SAMSN1: variants seen among roughly 807,000 people sequenced by gnomAD.
SAMSN1 encodes SAM domain, SH3 domain and nuclear localization signals 1, also known as SAM domain-containing protein SAMSN-1.
SAMSN1 carries 31 observed loss-of-function variants against 42.0 expected under a neutral mutation model. The ratio of observed to expected loss-of-function variants is 0.74; its 90% CI spans 0.55 to 1.00. The LOEUF (loss-of-function observed/expected upper bound fraction) is 1.00. Among genes scored for constraint, SAMSN1 ranks in the 50% least tolerant of loss-of-function variants. SAMSN1 has a pLI of 0.00. For missense variants in SAMSN1, 464 were observed against 439.4 expected (o/e 1.06, Z -0.50); for synonymous variants, 178 against 151.9 (o/e 1.17, Z -1.26).
At chr21:14,621,878 A>G (rs569663790) in intron 2 of SAMSN1, among the ~76,000 whole-genome samples, 1 of 152,330 alleles carries the variant, frequency 6.6e-6, no homozygotes, top group Non-Finnish European at 1.5e-5. Flanking sequence ...ACACCCCAGT[A>G]CGGGCAGACT....
chr21:14,507,615 C>A (rs955655414), intron 5 of SAMSN1, among the ~76,000 whole-genome samples: 5 of 152,094 alleles, frequency 3.3e-5, no homozygotes, highest in Non-Finnish European at 4.4e-5. Context: ...GTGAAAAGGA[C>A]CATACTGTCA....
chr21:14,636,371 C>T (rs1407353135), intron 2 of SAMSN1, among the ~76,000 whole-genome samples: 1 of 152,148 alleles, frequency 6.6e-6, no homozygotes, highest in African/African-American at 2.4e-5. Context: ...TGTACACGTG[C>T]ATGCACATAA....
intron 4 of SAMSN1, chr21:14,612,841 C>A: frequency 1.4e-6 from 1 of 694,458 alleles, no homozygotes; most frequent in Non-Finnish European, 2.7e-6. Flanking sequence ...AGACAGAATA[C>A]ATCGTTTACA....
intron 4 of SAMSN1, among the ~76,000 whole-genome samples, 195 bp downstream of exon 4, chr21:14,512,249 C>T (rs544176424): frequency 1.3e-5 from 2 of 152,302 alleles, no homozygotes; most frequent in South Asian, 2.1e-4. Context: ...AGTTTTCACA[C>T]ACTATATGAC....
intron 2 of SAMSN1, among the ~76,000 whole-genome samples, chr21:14,579,578 C>T (rs917547934): frequency 6.6e-6 from 1 of 151,170 alleles, no homozygotes; most frequent in Admixed American, 6.6e-5. Context: ...ATTTAGGCAA[C>T]AAGTGCTACT....
At chr21:14,531,635 C>G (rs1278024603) in intron 1 of SAMSN1, among the ~76,000 whole-genome samples, 4 of 151,986 alleles carry the variant, frequency 2.6e-5, no homozygotes, top group African/African-American at 9.7e-5. Context: ...TATTTCCTAA[C>G]AGTTTACCCA....
intron 6 of SAMSN1, among the ~76,000 whole-genome samples, chr21:14,599,819 C>G (rs1374289619): frequency 6.6e-6 from 1 of 152,082 alleles, no homozygotes; most frequent in Non-Finnish European, 1.5e-5. Flanking sequence ...CCCAAATAAA[C>G]CTTTTTCTTT....
In SAMSN1 at chr21:14,500,587, C is replaced by A. The variant is rs376699090; in HGVS notation, c.710G>T (p.Arg237Met). ...AAPKKIKANR[R>M]SNSKKSKTLQ... ...AGTCTTGGATTTTTTGCTGTTACTC[C>A]TTCGGTTTGCCTTTATTTTCTTGGG... The change falls in exon 6 of 8, where the codon AGG (arginine) becomes ATG (methionine). Residue 237 changes from arginine (R) to methionine (M), a missense_variant. By Grantham distance (91) the Arg-to-Met change is moderately conservative. Transcript: ENST00000400566. The A allele has an allele frequency of 3.7e-6, 6 of 1,614,020 alleles. No homozygotes were observed. In the African/African-American group the frequency reaches 5.3e-5, roughly 14 times the overall value.
At chr21:14,510,144 GA>G (rs112521674) in intron 5 of SAMSN1, among the ~76,000 whole-genome samples, 165 bp downstream of exon 5, 3,830 of 130,956 alleles carry the variant, frequency 0.029, 84 homozygotes, top group South Asian at 0.13. Flanking sequence ...CTCAAAAAAA[GA>G]AAAAAAAAAA....
At chr21:14,602,408 T>C (rs1982460723) in intron 5 of SAMSN1, among the ~76,000 whole-genome samples, 2 of 152,188 alleles carry the variant, frequency 1.3e-5, no homozygotes, top group Non-Finnish European at 2.9e-5. Context: ...CAAAAGCCAC[T>C]TCTAACTTCA....
At chr21:14,562,808 A>G (rs1189103893) in intron 2 of SAMSN1, among the ~76,000 whole-genome samples, 1 of 152,146 alleles carries the variant, frequency 6.6e-6, no homozygotes, top group African/African-American at 2.4e-5. Context: ...ATCAATACTA[A>G]GGATACTGTA....
At chr21:14,564,491 A>G (rs1981047670) in intron 2 of SAMSN1, among the ~76,000 whole-genome samples, 1 of 152,180 alleles carries the variant, frequency 6.6e-6, no homozygotes, top group Admixed American at 6.5e-5. Flanking sequence ...AACTCACCTA[A>G]AGACAAAAAG....
Position 14,535,088 on chromosome 21 carries a change from C to T in SAMSN1, c.57+11117G>A, listed in dbSNP as rs368351912. ...GAGAGTGGTCAGATCATCAGGAACA[C>T]GGGCCTCACTCCACCAACCAAACCA... On this transcript the variant is annotated intron_variant, in intron 1 of 7. Transcript: ENST00000400566. Among the ~76,000 whole-genome samples, 14 of 152,234 alleles carry T rather than the reference C, an allele frequency of 9.2e-5. No homozygotes were observed. The South Asian group carries it at 2.7e-3, about 29-fold the overall frequency.
At chr21:14,550,876 T>C (rs1980571964), upstream of SAMSN1, among the ~76,000 whole-genome samples, 1 of 152,106 alleles carries the variant, frequency 6.6e-6, no homozygotes, top group Non-Finnish European at 1.5e-5. Flanking sequence ...GAACATATCA[T>C]GCAAATTTTA....
At chr21:14,600,122 A>G (rs1982390703) in intron 6 of SAMSN1, among the ~76,000 whole-genome samples, 1 of 152,122 alleles carries the variant, frequency 6.6e-6, no homozygotes, top group Admixed American at 6.5e-5. Context: ...CACTTATCTG[A>G]TAGTCATTTG....
intron 5 of SAMSN1, among the ~76,000 whole-genome samples, chr21:14,506,919 A>C (rs1324211939): frequency 6.6e-6 from 1 of 152,248 alleles, no homozygotes; most frequent in Non-Finnish European, 1.5e-5. Context: ...GATACACCAC[A>C]TAAACAGAAT....
intron 2 of SAMSN1, among the ~76,000 whole-genome samples, chr21:14,567,068 T>C (rs1981145452): frequency 6.6e-6 from 1 of 152,132 alleles, no homozygotes; most frequent in Non-Finnish European, 1.5e-5. Context: ...AATGATTGGG[T>C]TGAATGCTAT....
At chr21:14,491,100 G>T (rs1986666250) in intron 7 of SAMSN1, among the ~76,000 whole-genome samples, 1 of 152,160 alleles carries the variant, frequency 6.6e-6, no homozygotes, top group African/African-American at 2.4e-5. Context: ...TATTTAATTA[G>T]GGGCCTTGGA....
At chr21:14,530,485 T>C (rs1433578113) in intron 1 of SAMSN1, among the ~76,000 whole-genome samples, 1 of 152,142 alleles carries the variant, frequency 6.6e-6, no homozygotes, top group Non-Finnish European at 1.5e-5. Context: ...CAAACTTTCA[T>C]AGGAGAGAAA....
Sources: gnomAD v4.1 joint callset for allele counts (sites outside exome capture counted in the v4.1 genomes callset) on GRCh38, gnomAD v4.1.1 for gene constraint, MANE v1.5 for transcripts, NCBI Gene and HGNC (gene_info 2026-07-23, HGNC 2026-07-21) for gene names.